The following PAM variants were observed in gnomAD, a reference collection of about 807,000 sequenced individuals.
PAM encodes the protein peptidylglycine alpha-amidating monooxygenase, also known as peptidyl-glycine alpha-amidating monooxygenase.
Under a neutral mutation model 122.1 loss-of-function variants are expected in PAM, and 72 were observed. The observed-to-expected ratio is 0.59, with a 90% CI of 0.49 to 0.72. The LOEUF (loss-of-function observed/expected upper bound fraction) is 0.72. Among genes scored for constraint, PAM ranks in the 30% least tolerant of loss-of-function variants. The probability of loss-of-function intolerance (pLI) is 0.00; values close to 1 mark genes in which losing one functional copy is unlikely to be tolerated. For synonymous variants in PAM, 389 were observed against 404.4 expected (o/e 0.96, Z 0.46); for missense variants, 1,106 against 1,183.7 (o/e 0.93, Z 0.96).
chr5:102,976,839 T>A (rs1767834424), intron 15 of PAM, among the ~76,000 whole-genome samples: 1 of 152,176 alleles, frequency 6.6e-6, no homozygotes, highest in Non-Finnish European at 1.5e-5. Flanking sequence ...GACTTGATTA[T>A]TTCCAATGTG....
At chr5:102,941,228 T>G (rs1168493060) in intron 7 of PAM, among the ~76,000 whole-genome samples, 1 of 152,226 alleles carries the variant, frequency 6.6e-6, no homozygotes, top group Non-Finnish European at 1.5e-5. Flanking sequence ...TGATCTCTTT[T>G]GCGAACAGCA....
intron 23 of PAM, among the ~76,000 whole-genome samples, chr5:103,022,986 C>A (rs1784017149): frequency 6.6e-6 from 1 of 152,016 alleles, no homozygotes; most frequent in Non-Finnish European, 1.5e-5. Context: ...TGTAGAGCAT[C>A]TTTTAAATCT....
chr5:102,886,831 T>C (rs1793265678), intron 3 of PAM, among the ~76,000 whole-genome samples: 1 of 152,080 alleles, frequency 6.6e-6, no homozygotes. Context: ...GGGAAAGATA[T>C]TGTTTGCACA....
At chr5:102,916,652 A>T (rs998977556) in intron 5 of PAM, among the ~76,000 whole-genome samples, 3 of 146,482 alleles carry the variant, frequency 2.0e-5, no homozygotes, top group African/African-American at 4.9e-5. Context: ...ATATTCCTTT[A>T]TATATATATA....
At chr5:102,834,094 T>C (rs951478249) in intron 1 of PAM, among the ~76,000 whole-genome samples, 1 of 152,176 alleles carries the variant, frequency 6.6e-6, no homozygotes, top group African/African-American at 2.4e-5. Flanking sequence ...ATAAAAGGTT[T>C]TATGAATATG....
rs1785428096 is a variant in PAM at position 102,865,965 on chromosome 5, CG to C, written c.-229del. ...GGGAGGAAAGCTTCCGCCTGCGGGC[CG>C]GACAAAAGTCCCGCCTGCCCACGGC... is the stretch of plus-strand genomic sequence containing the variant. On this transcript the variant is annotated 5_prime_UTR_variant, in exon 2 of 26. Coordinates refer to ENST00000438793, the MANE Select transcript of PAM (RefSeq NM_001177306.2). 4.6e-6 allele frequency: 2 copies of C among 436,262 alleles called. No homozygotes were observed. Among genetic ancestry groups the C allele is most frequent in the Admixed American group, 9.2e-5 (2 of 21,844 alleles). The allele number at this position is 436,262 out of a possible 1,614,324, so 27.0% of individuals were successfully genotyped here.
intron 3 of PAM, among the ~76,000 whole-genome samples, chr5:102,891,653 C>T (rs556187162): frequency 6.6e-6 from 1 of 151,816 alleles, no homozygotes; most frequent in Non-Finnish European, 1.5e-5. Flanking sequence ...ATTGAATTGG[C>T]TTTCCATCTC....
chr5:103,001,460 AATTT>A (rs1371625595), intron 16 of PAM, among the ~76,000 whole-genome samples: 1 of 152,064 alleles, frequency 6.6e-6, no homozygotes, highest in Admixed American at 6.6e-5. Context: ...CCATTTCATA[AATTT>A]ATTTTTTTCT....
chr5:103,005,922 G>A (rs1459971899), intron 18 of PAM, among the ~76,000 whole-genome samples: 1 of 145,330 alleles, frequency 6.9e-6, no homozygotes, highest in Non-Finnish European at 1.5e-5. Flanking sequence ...TGTTGTTGTT[G>A]TTGTTGTTGT....
intron 1 of PAM, among the ~76,000 whole-genome samples, chr5:102,785,834 G>T (rs967435547): frequency 1.3e-5 from 2 of 152,048 alleles, no homozygotes; most frequent in Non-Finnish European, 2.9e-5. Flanking sequence ...AAGGAGTGGT[G>T]TTGGAAGTTC....
chr5:102,959,811 T>C (rs1235762128), intron 12 of PAM, 64 bp from the exon 13 acceptor site: 3 of 1,080,968 alleles, frequency 2.8e-6, no homozygotes, highest in Non-Finnish European at 4.2e-6. Context: ...GGCTTCATTT[T>C]TCTTGCATTA....
intron 12 of PAM, among the ~76,000 whole-genome samples, chr5:102,954,084 G>A (rs997245845): frequency 1.3e-5 from 2 of 151,982 alleles, no homozygotes; most frequent in Non-Finnish European, 2.9e-5. Flanking sequence ...TGATGGATTT[G>A]TTAGTTTGAT....
At chr5:102,927,431 T>G (rs1749965141) in intron 7 of PAM, among the ~76,000 whole-genome samples, 1 of 152,206 alleles carries the variant, frequency 6.6e-6, no homozygotes, top group Non-Finnish European at 1.5e-5. Flanking sequence ...GCTTTTCTAC[T>G]ATGTCTTGCT....
intron 12 of PAM, among the ~76,000 whole-genome samples, chr5:102,957,721 G>C (rs1330525020): frequency 6.6e-6 from 1 of 152,054 alleles, no homozygotes; most frequent in Non-Finnish European, 1.5e-5. Context: ...GTAGAGACGA[G>C]GTTTCACCAT....
chr5:103,003,010 C>A (rs745947530), intron 16 of PAM, 23 bp from the exon 17 acceptor site: 2 of 1,020,338 alleles, frequency 2.0e-6, no homozygotes, highest in South Asian at 1.3e-5. Flanking sequence ...TGTTTCATGT[C>A]CTATTTAATG....
intron 16 of PAM, among the ~76,000 whole-genome samples, chr5:102,999,369 CT>C (rs1776674041): frequency 6.6e-6 from 1 of 152,038 alleles, no homozygotes; most frequent in Non-Finnish European, 1.5e-5. Flanking sequence ...GTGTACAGAC[CT>C]CCTCTCAGCT....
intron 7 of PAM, among the ~76,000 whole-genome samples, chr5:102,941,685 T>TA (rs892970990): frequency 1.3e-5 from 2 of 152,038 alleles, no homozygotes; most frequent in Non-Finnish European, 2.9e-5. Flanking sequence ...AACTAATTTT[T>TA]AAAAAAATCT....
intron 1 of PAM, among the ~76,000 whole-genome samples, chr5:102,766,145 TC>T (rs1753874090): frequency 6.6e-6 from 1 of 152,236 alleles, no homozygotes; most frequent in South Asian, 2.1e-4. Flanking sequence ...AGGACCGGTT[TC>T]ATGGAAGACA....
At chr5:102,873,596 A>C (rs1788218252) in intron 3 of PAM, 1 of 152,280 alleles carries the variant, frequency 6.6e-6, no homozygotes, top group Admixed American at 6.5e-5. Flanking sequence ...GTACAGCAGA[A>C]TAGACATAGC....
Sources: allele counts gnomAD v4.1 joint callset (sites outside exome capture counted in the v4.1 genomes callset), GRCh38; gene constraint gnomAD v4.1.1; transcripts MANE v1.5; gene names NCBI Gene and HGNC (gene_info 2026-07-23, HGNC 2026-07-21).